The following RAN variants were observed in gnomAD, a reference collection of about 807,000 sequenced individuals.
RAN encodes the protein GTP-binding nuclear protein Ran.
RAN carries 2 observed loss-of-function variants against 26.8 expected under a neutral mutation model. That is an observed-to-expected ratio of 0.07 (90% CI 0.03 to 0.23). RAN has a LOEUF of 0.23. RAN is among the 10% of genes least tolerant of loss of function. The pLI is 1.00. For synonymous variants in RAN, 132 were observed against 95.9 expected (o/e 1.38, Z -2.20); for missense variants, 56 against 264.8 (o/e 0.21, Z 5.47).
chr12:130,874,812 T>C (rs1166177410), intron 5 of RAN, 79 bp downstream of exon 5: 2 of 1,216,024 alleles, frequency 1.6e-6, no homozygotes, highest in African/African-American at 3.1e-5. Context: ...CCAGTGTCTA[T>C]TATATATGGA....
At chr12:130,873,192 A>G (rs1170702739) in intron 4 of RAN, 64 bp downstream of exon 4, 5 of 1,601,944 alleles carry the variant, frequency 3.1e-6, no homozygotes, top group Admixed American at 3.4e-5. Context: ...CTTCAAGGTT[A>G]TAGAAAATCA....
chr12:130,874,534 A>G lies in RAN; in HGVS notation c.248-12A>G, dbSNP rs1278848234. 1.3e-6 allele frequency: 2 copies of G among 1,551,538 alleles called. No homozygotes were observed. The highest frequency in any genetic ancestry group is 1.7e-5 in the Admixed American group (1 of 58,050). On this transcript the variant is annotated splice_polypyrimidine_tract_variant and intron_variant, in intron 4 of 6. Coordinates refer to ENST00000543796, the MANE Select transcript of RAN (RefSeq NM_006325.5). ...AAACTGAGTGTACTAATTCCCACAAATGTTTCTTCAGCCCAGTGTGCCATC... is the reference window on the plus strand; with the variant it reads ...AAACTGAGTGTACTAATTCCCACAAGTGTTTCTTCAGCCCAGTGTGCCATC...
chr12:130,875,545 A>C, intron 5 of RAN, 67 bp from the exon 6 acceptor site: 1 of 1,361,246 alleles, frequency 7.3e-7, no homozygotes, highest in Non-Finnish European at 1.0e-6. Flanking sequence ...TTATCTTGCA[A>C]TGTCCTAGAA....
chr12:130,875,503 C>T, intron 5 of RAN, 109 bp from the exon 6 acceptor site: 6 of 1,028,262 alleles, frequency 5.8e-6, no homozygotes, highest in Non-Finnish European at 8.3e-6. Flanking sequence ...AGGCATGAGC[C>T]ACCATGCCTT....
chr12:130,876,397 T>C lies in RAN; in HGVS notation c.*471T>C, dbSNP rs1953241722. 6.0e-6 allele frequency: 1 copy of C among 167,150 alleles called. No homozygotes were observed. The highest frequency in any genetic ancestry group is 2.4e-5 in the African/African-American group (1 of 41,590). 10.4% of individuals were successfully genotyped at this position (167,150 alleles called of 1,614,324 possible). A position where few individuals can be genotyped will look rare whatever the true frequency, so the allele number is the denominator to read the frequency against. ...CTTTTATCACTTAATTTGAAATCTA[T>C]TGGGTTAATTTCTCCCTATGTTTAT... On this transcript the variant is annotated 3_prime_UTR_variant, in exon 7 of 7. Transcript: ENST00000543796.
chr12:130,872,101 G>C lies in RAN; in HGVS notation c.-36G>C. 9.5e-6 allele frequency: 3 copies of C among 316,974 alleles called. No homozygotes were observed. In the Middle Eastern group the frequency reaches 1.4e-3, roughly 147 times the overall value. 19.6% of individuals were successfully genotyped at this position (316,974 alleles called of 1,614,324 possible). On this transcript the variant is annotated 5_prime_UTR_variant, in exon 1 of 7. Coordinates refer to ENST00000543796, the MANE Select transcript of RAN (RefSeq NM_006325.5). ...TCCGCCATCTTTCCAGCCTCAGTCG[G>C]ACGGGCGCGGAGACGCTTCTGGAAG... is the stretch of plus-strand genomic sequence containing the variant.
At position 130,876,396 on chromosome 12, in the gene RAN, A is replaced by G. The variant is rs2178080; in HGVS notation, c.*470A>G. The G allele has an allele frequency of 1.3e-4, 21 of 166,976 alleles. No individual in the cohort carries two copies. Among genetic ancestry groups the G allele is most frequent in the Non-Finnish European group, 1.9e-4 (15 of 77,206 alleles). 10.3% of individuals were successfully genotyped at this position (166,976 alleles called of 1,614,324 possible). On this transcript the variant is annotated 3_prime_UTR_variant, in exon 7 of 7. Coordinates refer to ENST00000543796, the MANE Select transcript of RAN (RefSeq NM_006325.5). Reference sequence around the variant, plus strand: ...GCTTTTATCACTTAATTTGAAATCTATTGGGTTAATTTCTCCCTATGTTTA... The same window carrying G: ...GCTTTTATCACTTAATTTGAAATCTGTTGGGTTAATTTCTCCCTATGTTTA...
In RAN at chr12:130,876,000, G is replaced by A; in HGVS notation, c.*74G>A. 1 of 1,451,220 alleles carries A rather than the reference G, an allele frequency of 6.9e-7. No individual in the cohort carries two copies. Among genetic ancestry groups the A allele is most frequent in the Non-Finnish European group, 9.7e-7 (1 of 1,035,632 alleles). 89.9% of individuals were successfully genotyped at this position (1,451,220 alleles called of 1,614,324 possible). On this transcript the variant is annotated 3_prime_UTR_variant, in exon 7 of 7. Transcript: ENST00000543796. ...TCCTGTGATGTCAGCGGTGCAGCGT[G>A]TGTGCCACCTCATTATTATCTAGCT... is the stretch of plus-strand genomic sequence containing the variant.
chr12:130,874,305 A>T (rs756898249), intron 4 of RAN: 14 of 435,868 alleles, frequency 3.2e-5, no homozygotes, highest in Non-Finnish European at 5.3e-5. Context: ...CTTTTTTGGG[A>T]TGAGGGGAGT....
chr12:130,874,118 G>T, intron 4 of RAN: 1 of 254,638 alleles, frequency 3.9e-6, no homozygotes, highest in South Asian at 3.5e-5. Context: ...CAAAGTGCTG[G>T]GATTACAGAC....
chr12:130,876,247 T>C lies in RAN; in HGVS notation c.*321T>C, dbSNP rs1953238546. On this transcript the variant is annotated 3_prime_UTR_variant, in exon 7 of 7. Coordinates refer to ENST00000543796, the MANE Select transcript of RAN (RefSeq NM_006325.5). ...ACTGTCATTCCCATTCCTTTTCGTT[T>C]AGAATCAGAATAAAGTTGTATTTCA... 9.6e-6 allele frequency: 3 copies of C among 313,476 alleles called. No individual in the cohort carries two copies. The highest frequency in any genetic ancestry group is 9.3e-5 in the Admixed American group (2 of 21,532). 19.4% of individuals were successfully genotyped at this position (313,476 alleles called of 1,614,324 possible). A position where few individuals can be genotyped will look rare whatever the true frequency, so the allele number is the denominator to read the frequency against.
rs1478374237 is a variant in RAN at position 130,876,411 on chromosome 12, C to T, written c.*485C>T. On this transcript the variant is annotated 3_prime_UTR_variant, in exon 7 of 7. Transcript: ENST00000543796. ...TTTGAAATCTATTGGGTTAATTTCT[C>T]CCTATGTTTATTTTTGTACATTTGA... is the stretch of plus-strand genomic sequence containing the variant. 1 of 164,506 alleles carries T rather than the reference C, an allele frequency of 6.1e-6. No homozygotes were observed. Among genetic ancestry groups the T allele is most frequent in the African/African-American group, 2.4e-5 (1 of 41,510 alleles). 10.2% of individuals were successfully genotyped at this position (164,506 alleles called of 1,614,324 possible).
chr12:130,875,008 A>G (rs540244440), intron 5 of RAN, among the ~76,000 whole-genome samples: 2 of 152,154 alleles, frequency 1.3e-5, no homozygotes, highest in South Asian at 2.1e-4. Context: ...TTTTTCTAGT[A>G]GAGACGGGGT....
At chr12:130,872,739 T>C (rs1012997886) in intron 2 of RAN, 97 bp from the exon 3 acceptor site, 2 of 1,567,832 alleles carry the variant, frequency 1.3e-6, no homozygotes, top group African/African-American at 1.4e-5. Context: ...CCACATTCTT[T>C]GTTTTAAGTG....
rs1037621888 is a variant in RAN, at chr12:130,877,412, C to G, written c.*1486C>G. 10 of 152,190 alleles carry G rather than the reference C, an allele frequency of 6.6e-5. No homozygotes were observed. Among genetic ancestry groups the G allele is most frequent in the African/African-American group, 2.4e-4 (10 of 41,440 alleles). The allele number at this position is 152,190 out of a possible 1,614,324, so 9.4% of individuals were successfully genotyped here. On this transcript the variant is annotated 3_prime_UTR_variant, in exon 7 of 7. Transcript: ENST00000543796. Reference sequence around the variant, plus strand: ...GTGTATGTTACGCTGTATTCAGAACCAGTTTCTAACCAGCCTGTGAGATGG... The same window carrying G: ...GTGTATGTTACGCTGTATTCAGAACGAGTTTCTAACCAGCCTGTGAGATGG...
chr12:130,872,106 G>A lies in RAN; in HGVS notation c.-31G>A, dbSNP rs1212812493. ...CATCTTTCCAGCCTCAGTCGGACGG[G>A]CGCGGAGACGCTTCTGGAAGGTATC... is the stretch of plus-strand genomic sequence containing the variant. On this transcript the variant is annotated 5_prime_UTR_variant, in exon 1 of 7. Coordinates refer to ENST00000543796, the MANE Select transcript of RAN (RefSeq NM_006325.5). 1 of 313,850 alleles carries A rather than the reference G, an allele frequency of 3.2e-6. No homozygotes were observed. Among genetic ancestry groups the A allele is most frequent in the South Asian group, 2.3e-5 (1 of 44,044 alleles). 19.4% of individuals were successfully genotyped at this position (313,850 alleles called of 1,614,324 possible). A position where few individuals can be genotyped will look rare whatever the true frequency, so the allele number is the denominator to read the frequency against.
At position 130,872,952 on chromosome 12, in the gene RAN, A is replaced by T. The variant is rs150001116; in HGVS notation, c.121+32A>T. On this transcript the variant is annotated intron_variant, in intron 3 of 6. Coordinates refer to ENST00000543796, the MANE Select transcript of RAN (RefSeq NM_006325.5). ...GCTGGAAAACCTTGCTTGTGGAAAT[A>T]TGTGAGAAATGGGTAAGTTCATCCA... 99 of 1,614,228 alleles carry T rather than the reference A, an allele frequency of 6.1e-5. No homozygotes were observed. The East Asian group carries it at 2.1e-3, about 34-fold the overall frequency.
chr12:130,872,573 T>A lies in RAN; in HGVS notation c.-10-11T>A. The A allele has an allele frequency of 6.7e-7, 1 of 1,503,210 alleles. No homozygotes were observed. The allele number at this position is 1,503,210 out of a possible 1,614,324, so 93.1% of individuals were successfully genotyped here. On this transcript the variant is annotated splice_polypyrimidine_tract_variant and intron_variant, in intron 1 of 6. Coordinates refer to ENST00000543796, the MANE Select transcript of RAN (RefSeq NM_006325.5). ...CGCGCGAGCGCTCGCCTCCGTCCTC[T>A]GCCTCCGCAGGAACGCCGCGATGGC...
chr12:130,875,061 A>G (rs1474195863), intron 5 of RAN, among the ~76,000 whole-genome samples: 1 of 152,104 alleles, frequency 6.6e-6, no homozygotes, highest in East Asian at 1.9e-4. Flanking sequence ...CCTGACCTCA[A>G]GTGATCCACT....
Sources: allele counts gnomAD v4.1 joint callset (sites outside exome capture counted in the v4.1 genomes callset), GRCh38; gene constraint gnomAD v4.1.1; transcripts MANE v1.5; gene names NCBI Gene and HGNC (gene_info 2026-07-23, HGNC 2026-07-21).